TRIM17: variants seen among roughly 807,000 people sequenced by gnomAD.
TRIM17 encodes the protein tripartite motif containing 17.
A neutral mutation model predicts 35.8 loss-of-function variants in TRIM17; 27 were observed. The observed-to-expected ratio is 0.75, with a 90% CI of 0.56 to 1.04. The LOEUF is 1.04. Among genes scored for constraint, TRIM17 ranks in the 50% least tolerant of loss-of-function variants. The pLI is 0.00. For missense variants in TRIM17, 582 were observed against 612.8 expected (o/e 0.95, Z 0.53); for synonymous variants, 246 against 252.6 (o/e 0.97, Z 0.25).
chr1:228,415,172 C>T (rs1657032540), intron 1 of TRIM17, 59 bp from the exon 2 acceptor site: 2 of 1,356,828 alleles, frequency 1.5e-6, no homozygotes, highest in Non-Finnish European at 9.8e-7. Context: ...TGCAACCGTC[C>T]TGTACAGCCT....
Position 228,408,277 on chromosome 1 carries a change from T to A in TRIM17, c.1358A>T (p.Gln453Leu). Residue 453 changes from glutamine (Q) to leucine (L), a missense_variant, in exon 7 of 7, where the codon CAG (glutamine) becomes CTG (leucine). Coordinates refer to ENST00000366698, the MANE Select transcript of TRIM17 (RefSeq NM_016102.4). This position sits in a 1 kb window ranked among gnomAD's most constrained non-coding sequence, Gnocchi z 6.3. ...CGGAGCCCCCAGGCAGAAGAAAGGCTGCAGGGGGCCTGGGAAGGTGGCCTG... is the reference window on the plus strand; with the variant it reads ...CGGAGCCCCCAGGCAGAAGAAAGGCAGCAGGGGGCCTGGGAAGGTGGCCTG... Reference protein sequence around the residue: ...YSQATFPGPLQPFFCLGAPKS... With the variant: ...YSQATFPGPLLPFFCLGAPKS... 2 of 1,596,294 alleles carry A rather than the reference T, an allele frequency of 1.3e-6. No homozygotes were observed. The highest frequency in any genetic ancestry group is 1.7e-6 in the Non-Finnish European group (2 of 1,169,724).
rs1242067924 is a variant in TRIM17 at position 228,410,480 on chromosome 1, C to T, written c.756+466G>A. On this transcript the variant is annotated intron_variant, in intron 4 of 6. Transcript: ENST00000366698. The surrounding 1 kb of genome is among the most constrained non-coding windows in gnomAD (Gnocchi z 4.6). The stretch of plus-strand genomic sequence containing the variant: ...CCTGGCTGCCAGGTGTCCCAAGCCA[C>T]CTCTCTGGACTTGGAAGGAAATGGG... Among the ~76,000 whole-genome samples, 3 of 151,852 alleles carry T rather than the reference C, an allele frequency of 2.0e-5. No homozygotes were observed. The highest frequency in any genetic ancestry group is 2.1e-4 in the South Asian group (1 of 4,816).
rs1239155869 is a variant in TRIM17, at chr1:228,410,821, C to T, written c.756+125G>A. 28 of 707,252 alleles carry T rather than the reference C, an allele frequency of 4.0e-5. No individual in the cohort carries two copies. The highest frequency in any genetic ancestry group is 6.1e-5 in the Non-Finnish European group (27 of 440,062). The allele number at this position is 707,252 out of a possible 1,614,324, so 43.8% of individuals were successfully genotyped here. ...ACCTTGGCCTCAGCCACCCAGCCTC[C>T]AGGACTAGCAGACTGGGAGCTAACA... On this transcript the variant is annotated intron_variant, in intron 4 of 6. Coordinates refer to ENST00000366698, the MANE Select transcript of TRIM17 (RefSeq NM_016102.4). The surrounding 1 kb of genome is among the most constrained non-coding windows in gnomAD (Gnocchi z 4.6).
At chr1:228,415,918 C>T (rs910839900) in intron 1 of TRIM17, 1 of 152,332 alleles carries the variant, frequency 6.6e-6, no homozygotes, top group African/African-American at 2.4e-5. Context: ...TATCGGTAAA[C>T]ATACATGCAT....
At chr1:228,413,646 C>A (rs1656909141) in intron 3 of TRIM17, 151 bp downstream of exon 3, 1 of 630,116 alleles carries the variant, frequency 1.6e-6, no homozygotes, top group African/African-American at 1.8e-5. Flanking sequence ...CAGTTTCATT[C>A]TGAGGCCAGC....
Position 228,410,966 on chromosome 1 carries a change from C to T in TRIM17, c.736G>A (p.Gly246Arg). 1 of 1,588,204 alleles carries T rather than the reference C, an allele frequency of 6.3e-7. No homozygotes were observed. Among genetic ancestry groups the T allele is most frequent in the South Asian group, 1.1e-5 (1 of 88,032 alleles). The change falls in exon 4 of 7, where the codon GGG (glycine) becomes AGG (arginine). Residue 246 changes from glycine to arginine, a missense_variant. Transcript: ENST00000366698. The surrounding 1 kb of genome is among the most constrained non-coding windows in gnomAD (Gnocchi z 4.6). ...CTCACCTGCAGCATCTGGAGGGGCC[C>T]CTGTGTGCTCCGCTCCTCCAGCTGC... Reference protein sequence around the residue: ...LLQLEERSTQGPLQMLQDMKE... With the variant: ...LLQLEERSTQRPLQMLQDMKE...
At chr1:228,414,306 C>T (rs183365702) in intron 2 of TRIM17, among the ~76,000 whole-genome samples, 40 of 152,304 alleles carry the variant, frequency 2.6e-4, no homozygotes, top group Middle Eastern at 3.4e-3. Flanking sequence ...TCCTTGGGAG[C>T]GACTCCTGGG....
intron 2 of TRIM17, 140 bp downstream of exon 2, chr1:228,414,504 C>T (rs1039661676): frequency 2.8e-6 from 2 of 704,754 alleles, no homozygotes; most frequent in Admixed American, 2.5e-5. Context: ...GCCACCTTGT[C>T]CCCTGGATGC....
intron 2 of TRIM17, among the ~76,000 whole-genome samples, chr1:228,414,284 T>C (rs1253324586): frequency 1.3e-5 from 2 of 152,204 alleles, no homozygotes; most frequent in Admixed American, 6.5e-5. Context: ...CATGCTTCCA[T>C]GGGCCTCTGG....
At position 228,410,218 on chromosome 1, in the gene TRIM17, C is replaced by T. The variant is rs544029617; in HGVS notation, c.756+728G>A. Among the ~76,000 whole-genome samples the T allele has an allele frequency of 6.6e-6, 1 of 152,026 alleles. No individual in the cohort carries two copies. The highest frequency in any genetic ancestry group is 1.5e-5 in the Non-Finnish European group (1 of 67,954). On this transcript the variant is annotated intron_variant, in intron 4 of 6. Transcript: ENST00000366698. This position sits in a 1 kb window ranked among gnomAD's most constrained non-coding sequence, Gnocchi z 4.6. ...TCAAGCAGTCTTCCTGCCTCAGCCT[C>T]CTGAGTCCTGGGACCACAGGCGCAC...
rs757746420 is a variant in TRIM17, at chr1:228,411,196, C to T, written c.526-20G>A. ...CTTGCCCTGCAGGAGTGGAGAAGCC[C>T]AGCATGTTGCCAGCAGGTGGCTCAG... On this transcript the variant is annotated intron_variant, in intron 3 of 6. Coordinates refer to ENST00000366698, the MANE Select transcript of TRIM17 (RefSeq NM_016102.4). The surrounding 1 kb of genome is among the most constrained non-coding windows in gnomAD (Gnocchi z 4.2). The T allele has an allele frequency of 4.4e-6, 7 of 1,575,586 alleles. No homozygotes were observed. The highest frequency in any genetic ancestry group is 6.0e-6 in the Non-Finnish European group (7 of 1,157,672).
At chr1:228,415,302 A>C in intron 1 of TRIM17, 189 bp from the exon 2 acceptor site, 1 of 542,842 alleles carries the variant, frequency 1.8e-6, no homozygotes, top group Non-Finnish European at 3.2e-6. Context: ...CTCCCTGACC[A>C]ATGCTCTGCA....
In TRIM17 at chr1:228,408,584, G is replaced by T; in HGVS notation, c.1051C>A (p.His351Asn). 3 of 1,614,000 alleles carry T rather than the reference G, an allele frequency of 1.9e-6. No homozygotes were observed. Among genetic ancestry groups the T allele is most frequent in the Non-Finnish European group, 2.5e-6 (3 of 1,180,028 alleles). ...VGQTAFSSGR[H>N]YWEVGMNITG... ...ATGTTCATGCCCACCTCCCAGTAGT[G>T]CCTCCCAGAGGAGAAGGCCGTCTGG... The change falls in exon 7 of 7, where the codon CAC (histidine) becomes AAC (asparagine). Residue 351 changes from histidine to asparagine, a missense_variant. His to Asn is a moderately conservative substitution (Grantham distance 68). Coordinates refer to ENST00000366698, the MANE Select transcript of TRIM17 (RefSeq NM_016102.4). This position sits in a 1 kb window ranked among gnomAD's most constrained non-coding sequence, Gnocchi z 6.3.
chr1:228,408,391 G>A lies in TRIM17; in HGVS notation c.1244C>T (p.Pro415Leu). ...GTCCAGGAAGATGCCCATGTGGCTG[G>A]GAGGCTCCATCAGCATGACCGGGGT... ...ALTPVMLMEPPSHMGIFLDFE... is the reference protein window; with the variant it reads ...ALTPVMLMEPLSHMGIFLDFE... Residue 415 changes from proline to leucine, a missense_variant, in exon 7 of 7, where the codon CCC becomes CTC. By Grantham distance (98) the Pro-to-Leu change is moderately conservative. Coordinates refer to ENST00000366698, the MANE Select transcript of TRIM17 (RefSeq NM_016102.4). The surrounding 1 kb of genome is among the most constrained non-coding windows in gnomAD (Gnocchi z 6.3). 1.2e-6 allele frequency: 2 copies of A among 1,614,186 alleles called. No individual in the cohort carries two copies. The highest frequency in any genetic ancestry group is 1.7e-6 in the Non-Finnish European group (2 of 1,180,032).
At position 228,410,704 on chromosome 1, in the gene TRIM17, CG is replaced by C. The variant is rs1369920774; in HGVS notation, c.756+241del. 6.6e-6 allele frequency among the ~76,000 whole-genome samples: 1 copy of C among 152,070 alleles called. No individual in the cohort carries two copies. Among genetic ancestry groups the C allele is most frequent in the Non-Finnish European group, 1.5e-5 (1 of 68,018 alleles). On this transcript the variant is annotated intron_variant, in intron 4 of 6. Transcript: ENST00000366698. The surrounding 1 kb of genome is among the most constrained non-coding windows in gnomAD (Gnocchi z 4.6). ...TACAAGGAGATGATTAGGACAGAGA[CG>C]TGCATAGAGAGATGATGCCATGAGG... is the stretch of plus-strand genomic sequence containing the variant.
In TRIM17 at chr1:228,408,319, T is replaced by G. The variant is rs1656552094; in HGVS notation, c.1316A>C (p.His439Pro). ...GGTGGCCTGGGAGTAGGTGTGCAGG[T>G]GGGACCCATCGCTTACACTGTAGAA... Reference protein sequence around the residue: ...VSFYSVSDGSHLHTYSQATFP... With the variant: ...VSFYSVSDGSPLHTYSQATFP... The change falls in exon 7 of 7, where the codon CAC becomes CCC. Residue 439 changes from histidine (H) to proline (P), a missense_variant. His to Pro is a moderately conservative substitution (Grantham distance 77). Transcript: ENST00000366698. This position sits in a 1 kb window ranked among gnomAD's most constrained non-coding sequence, Gnocchi z 6.3. 6.2e-7 allele frequency: 1 copy of G among 1,613,278 alleles called. No homozygotes were observed. The highest frequency in any genetic ancestry group is 1.3e-5 in the African/African-American group (1 of 74,890).
rs780634687 is a variant in TRIM17 at position 228,415,025 on chromosome 1, G to A, written c.48C>T (p.Cys16=). 9.3e-6 allele frequency: 15 copies of A among 1,610,338 alleles called. No individual in the cohort carries two copies. Among genetic ancestry groups the A allele is most frequent in the East Asian group, 2.2e-5 (1 of 44,766 alleles). Reference sequence around the variant, plus strand: ...CTGTGAAGTAATCCAGACAGATGGAGCACGTAGCTTCCTCCTGCAGTTTTC... The same window carrying A: ...CTGTGAAGTAATCCAGACAGATGGAACACGTAGCTTCCTCCTGCAGTTTTC... ...LARKLQEEAT[C]SICLDYFTDP... The change falls in exon 2 of 7, where the codon TGC becomes TGT. Residue 16 remains cysteine (C), a synonymous_variant. Coordinates refer to ENST00000366698, the MANE Select transcript of TRIM17 (RefSeq NM_016102.4).
Position 228,416,715 on chromosome 1 carries a change from GGGA to G in TRIM17, c.-221_-219del. The stretch of plus-strand genomic sequence containing the variant: ...GTCAGCGGGGGCTGGGGGGCGGCGG[GGGA>G]GGGGAATGCTGGGCGAGGGAGTGTT... On this transcript the variant is annotated 5_prime_UTR_variant, in exon 1 of 7. Coordinates refer to ENST00000366698, the MANE Select transcript of TRIM17 (RefSeq NM_016102.4). 2.0e-6 allele frequency: 2 copies of G among 980,478 alleles called. No homozygotes were observed. Among genetic ancestry groups the G allele is most frequent in the Non-Finnish European group, 2.4e-6 (2 of 825,748 alleles). 60.7% of individuals were successfully genotyped at this position (980,478 alleles called of 1,614,324 possible). A position where few individuals can be genotyped will look rare whatever the true frequency, so the allele number is the denominator to read the frequency against.
rs530789799 is a variant in TRIM17, at chr1:228,411,765, G to A, written c.526-589C>T. ...CCTCAGCCTTCCAAGGAAGTGGGAC[G>A]ACAGACATGTGTCACCACCACCATG... is the stretch of plus-strand genomic sequence containing the variant. On this transcript the variant is annotated intron_variant, in intron 3 of 6. Coordinates refer to ENST00000366698, the MANE Select transcript of TRIM17 (RefSeq NM_016102.4). The surrounding 1 kb of genome is among the most constrained non-coding windows in gnomAD (Gnocchi z 4.2). Among the ~76,000 whole-genome samples the A allele has an allele frequency of 3.1e-4, 47 of 152,098 alleles. No homozygotes were observed. Among genetic ancestry groups the A allele is most frequent in the Non-Finnish European group, 2.4e-4 (16 of 67,996 alleles).
Sources: allele counts gnomAD v4.1 joint callset (sites outside exome capture counted in the v4.1 genomes callset), GRCh38; gene constraint gnomAD v4.1.1; non-coding constraint Gnocchi (gnomAD v3.1); transcripts MANE v1.5; gene names NCBI Gene and HGNC (gene_info 2026-07-23, HGNC 2026-07-21).